The following ABCA13 variants were observed in gnomAD, a reference collection of about 807,000 sequenced individuals.
ABCA13 encodes the protein ATP binding cassette subfamily A member 13.
In ABCA13, 476 loss-of-function variants were observed where a neutral mutation model predicts 478.7. The observed-to-expected ratio is 0.99, with a 90% CI of 0.92 to 1.07. The LOEUF is 1.07. ABCA13 is among the 50% of genes least tolerant of loss of function. The probability of loss-of-function intolerance (pLI) is 0.00; values close to 1 mark genes in which losing one functional copy is unlikely to be tolerated. For synonymous variants in ABCA13, 2,252 were observed against 2,158.9 expected (o/e 1.04, Z -1.20); for missense variants, 6,060 against 5,910.6 (o/e 1.03, Z -0.83).
rs1408510958 is a variant in ABCA13 at position 48,198,260 on chromosome 7, C to T, written c.187C>T (p.Pro63Ser). The T allele has an allele frequency of 2.5e-6, 4 of 1,613,298 alleles. No individual in the cohort carries two copies. The highest frequency in any genetic ancestry group is 2.2e-5 in the South Asian group (2 of 90,806). Residue 63 changes from proline to serine, a missense_variant, in exon 3 of 62, where the codon CCC becomes TCC. By Grantham distance (74) the Pro-to-Ser change is moderately conservative. Coordinates refer to ENST00000435803, the MANE Select transcript of ABCA13 (RefSeq NM_152701.5). ...AGGTTATTTGCAGCCCCGAGATCTACCCAGCTGTGGTGTTATCCCCTTTGT... is the reference window on the plus strand; with the variant it reads ...AGGTTATTTGCAGCCCCGAGATCTATCCAGCTGTGGTGTTATCCCCTTTGT... ...DICYLQPRDLPSCGVIPFVQS... is the reference protein window; with the variant it reads ...DICYLQPRDLSSCGVIPFVQS...
At chr7:48,292,218 T>C (rs1257913537) in intron 20 of ABCA13, among the ~76,000 whole-genome samples, 23 of 152,182 alleles carry the variant, frequency 1.5e-4, no homozygotes, top group Non-Finnish European at 1.5e-5. Flanking sequence ...TCTTTCCATG[T>C]AATTTTTCCC....
chr7:48,329,238 C>T (rs142036402), intron 27 of ABCA13, among the ~76,000 whole-genome samples: 36 of 152,272 alleles, frequency 2.4e-4, no homozygotes, highest in South Asian at 6.2e-4. Flanking sequence ...GAACCAATAA[C>T]GATGCTTCTT....
At position 48,239,232 on chromosome 7, in the gene ABCA13, T is replaced by C. The variant is rs751688443; in HGVS notation, c.898-9T>C. 1 of 1,613,666 alleles carries C rather than the reference T, an allele frequency of 6.2e-7. No individual in the cohort carries two copies. The highest frequency in any genetic ancestry group is 8.5e-7 in the Non-Finnish European group (1 of 1,179,670). ...TTTATGTCTAAATATTTTTTCATAT[T>C]GTTGTCAGATTCCCACAGACACTTC... On this transcript the variant is annotated splice_polypyrimidine_tract_variant and intron_variant, in intron 8 of 61. Coordinates refer to ENST00000435803, the MANE Select transcript of ABCA13 (RefSeq NM_152701.5).
At chr7:48,421,706 C>G (rs991778813) in intron 41 of ABCA13, among the ~76,000 whole-genome samples, 1 of 152,210 alleles carries the variant, frequency 6.6e-6, no homozygotes, top group Admixed American at 6.5e-5. Context: ...TGTTGCTGCT[C>G]TGAGGTTCCC....
intron 29 of ABCA13, among the ~76,000 whole-genome samples, chr7:48,341,835 TATATATATATATATCTTTCTG>T (rs1299553313): frequency 4.6e-4 from 37 of 79,686 alleles, no homozygotes; most frequent in Admixed American, 9.4e-4. Context: ...ATCTTTCTGA[TATATATATATATATCTTTCTG>T]ATATATATAT....
intron 55 of ABCA13, among the ~76,000 whole-genome samples, chr7:48,568,318 G>T (rs968759513): frequency 6.6e-6 from 1 of 151,970 alleles, no homozygotes; most frequent in African/African-American, 2.4e-5. Context: ...TATCATAAAA[G>T]GGTATTGAAT....
intron 45 of ABCA13, among the ~76,000 whole-genome samples, chr7:48,473,261 G>A (rs977404660): frequency 1.3e-5 from 2 of 152,098 alleles, no homozygotes; most frequent in Admixed American, 6.5e-5. Flanking sequence ...CCTGGCCCAG[G>A]CTAGCTCTTC....
chr7:48,385,033 G>T (rs1382639826), intron 35 of ABCA13, among the ~76,000 whole-genome samples: 1 of 152,096 alleles, frequency 6.6e-6, no homozygotes, highest in African/African-American at 2.4e-5. Context: ...AGTACAGGGG[G>T]TTAGAACTTC....
intron 8 of ABCA13, among the ~76,000 whole-genome samples, chr7:48,238,855 T>A (rs1015795073): frequency 6.6e-6 from 1 of 152,248 alleles, no homozygotes; most frequent in African/African-American, 2.4e-5. Context: ...TTTGAATCTT[T>A]CCAATTTTAT....
intron 7 of ABCA13, among the ~76,000 whole-genome samples, chr7:48,233,508 G>T (rs1258492311): frequency 6.6e-6 from 1 of 151,974 alleles, no homozygotes; most frequent in Non-Finnish European, 1.5e-5. Context: ...TGAGTTAGGG[G>T]AACTTTTTCT....
At chr7:48,639,532 C>G (rs1254596597) in intron 59 of ABCA13, among the ~76,000 whole-genome samples, 1 of 152,108 alleles carries the variant, frequency 6.6e-6, no homozygotes, top group Non-Finnish European at 1.5e-5. Context: ...AGGCCTGGTC[C>G]CCCTCCGCTC....
Position 48,274,694 on chromosome 7 carries a change from C to T in ABCA13, c.5028C>T (p.Asp1676=). The part of the protein sequence containing the change: ...VMRTLKKADI[D]LLVDQLEQVS... ...GTACCCTTAAGAAGGCAGACATAGA[C>T]CTTTTAGTGGATCAGCTTGAACAAG... Residue 1676 remains aspartate, a synonymous_variant, in exon 17 of 62, where the codon GAC becomes GAT. Coordinates refer to ENST00000435803, the MANE Select transcript of ABCA13 (RefSeq NM_152701.5). 6.2e-7 allele frequency: 1 copy of T among 1,613,928 alleles called. No homozygotes were observed. Among genetic ancestry groups the T allele is most frequent in the Non-Finnish European group, 8.5e-7 (1 of 1,179,846 alleles).
chr7:48,279,198 G>A lies in ABCA13; in HGVS notation c.8004G>A (p.Met2668Ile), dbSNP rs766641999. ...ACAATGAGACTCAAACATTTTCTAT[G>A]GATTCTGTCAACTTACGGGAAGAAA... ...AFNNETQTFSMDSVNLREEIL... is the reference protein window; with the variant it reads ...AFNNETQTFSIDSVNLREEIL... Residue 2668 changes from methionine to isoleucine, a missense_variant, in exon 18 of 62, where the codon ATG (methionine) becomes ATA (isoleucine). Around this residue, in one of 3 missense-constraint regions of ABCA13, gnomAD observed 4,423 missense variants for 4,309.1 expected, o/e 1.03. Transcript: ENST00000435803. The A allele has an allele frequency of 6.3e-7, 1 of 1,596,528 alleles. No homozygotes were observed. The highest frequency in any genetic ancestry group is 1.7e-4 in the Middle Eastern group (1 of 6,032).
At chr7:48,563,825 TG>T (rs1477212629) in intron 55 of ABCA13, among the ~76,000 whole-genome samples, 28,014 of 150,650 alleles carry the variant, frequency 0.19, 2,721 homozygotes, top group East Asian at 0.29. Flanking sequence ...TGTGTGTGTG[TG>T]TGTGTGTGTG....
chr7:48,315,140 C>A (rs1405115993), intron 26 of ABCA13, among the ~76,000 whole-genome samples: 4 of 152,130 alleles, frequency 2.6e-5, no homozygotes, highest in Admixed American at 2.0e-4. Context: ...TAGCACCTGG[C>A]TCATAAGCTT....
rs753238434 is a variant in ABCA13, at chr7:48,374,393, C to T, written c.11180C>T (p.Thr3727Ile). Residue 3727 changes from threonine to isoleucine, a missense_variant, in exon 34 of 62, where the codon ACA becomes ATA. By Grantham distance (89) the Thr-to-Ile change is moderately conservative. This residue lies in a region of ABCA13 where 4,423 missense variants were observed against 4,309.1 expected (regional missense o/e 1.03). Transcript: ENST00000435803. ...TAFGQGVFFITFLEGQETGIQ... is the reference protein window; with the variant it reads ...TAFGQGVFFIIFLEGQETGIQ... ...TTTGGACAAGGGGTATTTTTTATTA[C>T]ATTCCTGGAAGGACAAGAGACAGGT... 2.5e-6 allele frequency: 4 copies of T among 1,609,840 alleles called. No homozygotes were observed. Among genetic ancestry groups the T allele is most frequent in the East Asian group, 2.2e-5 (1 of 44,732 alleles).
intron 55 of ABCA13, among the ~76,000 whole-genome samples, chr7:48,534,404 G>A (rs1833433587): frequency 1.3e-5 from 2 of 152,144 alleles, no homozygotes; most frequent in Admixed American, 1.3e-4. Context: ...TAGCTCTTAA[G>A]ATTCTTTCCC....
At chr7:48,532,429 G>A (rs1368823461) in intron 55 of ABCA13, among the ~76,000 whole-genome samples, 1 of 152,002 alleles carries the variant, frequency 6.6e-6, no homozygotes, top group African/African-American at 2.4e-5. Context: ...TTTCATCTAT[G>A]TTCATTAGGG....
intron 52 of ABCA13, 35 bp downstream of exon 52, chr7:48,516,916 G>A (rs746833346): frequency 6.3e-7 from 1 of 1,597,942 alleles, no homozygotes; most frequent in Non-Finnish European, 8.5e-7. Context: ...CTACACTTCT[G>A]CACCTCTAGT....
Sources: allele counts gnomAD v4.1 joint callset (sites outside exome capture counted in the v4.1 genomes callset), GRCh38; gene constraint gnomAD v4.1.1; regional missense constraint gnomAD v4.1.1; transcripts MANE v1.5; gene names NCBI Gene and HGNC (gene_info 2026-07-23, HGNC 2026-07-21).